Variants in UTS2 observed in about 807,000 individuals in gnomAD.
The protein encoded by UTS2 is urotensin 2, also known as urotensin-2.
Under a neutral mutation model 12.6 loss-of-function variants are expected in UTS2, and 10 were observed. That is an observed-to-expected ratio of 0.80 (90% confidence interval 0.49 to 1.35). The LOEUF is 1.35. Among genes scored for constraint, UTS2 ranks in the 40% most tolerant of loss-of-function variants. UTS2 has a pLI of 0.00. For missense variants in UTS2, 142 were observed against 143.2 expected (o/e 0.99, Z 0.04); for synonymous variants, 52 against 50.0 (o/e 1.04, Z -0.17).
At chr1:7,901,628 G>GTA in the UTS2 span, among the ~76,000 whole-genome samples, 1,129 of 123,226 alleles carry the variant, frequency 9.2e-3, 6 homozygotes, top group African/African-American at 0.012. Context: ...GTGTGTGTGT[G>GTA]TGTATATATA....
the UTS2 span, among the ~76,000 whole-genome samples, chr1:7,862,407 C>T: frequency 1.3e-5 from 2 of 151,056 alleles, no homozygotes; most frequent in African/African-American, 2.4e-5. Context: ...GAGGCTGGGT[C>T]AATTATTAGG....
the UTS2 span, among the ~76,000 whole-genome samples, chr1:7,909,833 G>GC: frequency 6.6e-6 from 1 of 151,952 alleles, no homozygotes; most frequent in African/African-American, 2.4e-5. Flanking sequence ...TGTTGGCCAG[G>GC]CTGGTCTCAA....
the UTS2 span, among the ~76,000 whole-genome samples, chr1:7,870,627 T>C: frequency 6.6e-6 from 1 of 152,238 alleles, no homozygotes; most frequent in African/African-American, 2.4e-5. Flanking sequence ...AAACCGTAAC[T>C]AAGCTTTGAT....
chr1:7,888,561 T>A, the UTS2 span, among the ~76,000 whole-genome samples: 39 of 152,352 alleles, frequency 2.6e-4, no homozygotes, highest in South Asian at 7.7e-3. Flanking sequence ...GTTTCCATTG[T>A]CTGCAGGAGC....
chr1:7,887,040 C>CAAAAAA, the UTS2 span, among the ~76,000 whole-genome samples: 168 of 34,730 alleles, frequency 4.8e-3, 16 homozygotes, highest in African/African-American at 0.019. Flanking sequence ...GACTCCGTCT[C>CAAAAAA]AAAAAAAAAA....
At chr1:7,890,816 A>C in the UTS2 span, among the ~76,000 whole-genome samples, 2 of 143,784 alleles carry the variant, frequency 1.4e-5, no homozygotes, top group African/African-American at 5.2e-5. Flanking sequence ...GGATCACAGC[A>C]CTGCAATCTG....
chr1:7,912,738 G>A, the UTS2 span, among the ~76,000 whole-genome samples: 4 of 151,914 alleles, frequency 2.6e-5, no homozygotes, highest in Non-Finnish European at 4.4e-5. Context: ...CTCCACTGGG[G>A]CCCCCACAGA....
rs1192713867 is a variant in UTS2, at chr1:7,847,620, A to C, written c.*146T>G. On this transcript the variant is annotated 3_prime_UTR_variant, in exon 4 of 4. Transcript: ENST00000361696. ...AATAACCACTCATGATATGTGCAAA[A>C]CATAGAGGATTTATTTTCCAGGTAA... 4.3e-5 allele frequency: 29 copies of C among 672,410 alleles called. No homozygotes were observed. The highest frequency in any genetic ancestry group is 1.5e-4 in the Admixed American group (6 of 40,512). The allele number at this position is 672,410 out of a possible 1,614,324, so 41.7% of individuals were successfully genotyped here.
At chr1:7,909,724 A>C in the UTS2 span, among the ~76,000 whole-genome samples, 1 of 151,696 alleles carries the variant, frequency 6.6e-6, no homozygotes, top group South Asian at 2.1e-4. Context: ...AGGTTCAAGC[A>C]ATTCTTCTGT....
the UTS2 span, among the ~76,000 whole-genome samples, chr1:7,865,555 T>C: frequency 1.3e-5 from 2 of 151,950 alleles, no homozygotes; most frequent in African/African-American, 2.4e-5. Context: ...GTGTCCTAAT[T>C]GCTTCTTCTC....
At chr1:7,878,699 G>GA in the UTS2 span, among the ~76,000 whole-genome samples, 1,284 of 148,410 alleles carry the variant, frequency 8.7e-3, 19 homozygotes, top group African/African-American at 0.03. Context: ...CCCCACCTTT[G>GA]AAAAAAAAAT....
the UTS2 span, among the ~76,000 whole-genome samples, chr1:7,905,374 A>T: frequency 6.6e-6 from 1 of 151,264 alleles, no homozygotes; most frequent in Admixed American, 6.6e-5. Flanking sequence ...TGAACTCCCG[A>T]CCTCAGGTGA....
At chr1:7,900,541 C>T in the UTS2 span, among the ~76,000 whole-genome samples, 2 of 152,118 alleles carry the variant, frequency 1.3e-5, no homozygotes, top group Non-Finnish European at 2.9e-5. Flanking sequence ...CTTTGGGAGG[C>T]CAAGCCAGGT....
chr1:7,887,404 A>G, the UTS2 span, among the ~76,000 whole-genome samples: 1 of 152,058 alleles, frequency 6.6e-6, no homozygotes, highest in East Asian at 1.9e-4. Context: ...GTAGAGACTA[A>G]AAGTAGGAAA....
chr1:7,912,451 C>A, the UTS2 span, among the ~76,000 whole-genome samples: 1 of 121,314 alleles, frequency 8.2e-6, no homozygotes, highest in Non-Finnish European at 1.9e-5. Flanking sequence ...GCAAATCCCC[C>A]TTTTCTTGTT....
the UTS2 span, among the ~76,000 whole-genome samples, chr1:7,872,822 G>A: frequency 6.6e-5 from 10 of 152,306 alleles, no homozygotes; most frequent in African/African-American, 1.9e-4. Context: ...CAGATTTTCC[G>A]TGTAGATAAA....
the UTS2 span, among the ~76,000 whole-genome samples, chr1:7,869,118 AG>A: frequency 2.6e-5 from 4 of 152,222 alleles, no homozygotes; most frequent in Non-Finnish European, 5.9e-5. Flanking sequence ...AGAGGGATGG[AG>A]CTGCAGCAAC....
chr1:7,874,180 G>C, the UTS2 span, among the ~76,000 whole-genome samples: 1 of 152,278 alleles, frequency 6.6e-6, no homozygotes, highest in South Asian at 2.1e-4. Flanking sequence ...GTAGGGAAAA[G>C]GTAAATGAGA....
chr1:7,884,415 C>A, the UTS2 span, among the ~76,000 whole-genome samples: 19 of 151,778 alleles, frequency 1.3e-4, no homozygotes, highest in Admixed American at 9.8e-4. Flanking sequence ...GATCCTCCTG[C>A]CTCAGCCTCC....
Sources: gnomAD v4.1 joint callset for allele counts (sites outside exome capture counted in the v4.1 genomes callset) on GRCh38, gnomAD v4.1.1 for gene constraint, MANE v1.5 for transcripts, NCBI Gene and HGNC (gene_info 2026-07-23, HGNC 2026-07-21) for gene names.